The following RAB11FIP5 variants were observed in gnomAD, a reference collection of about 807,000 sequenced individuals.
RAB11FIP5 encodes RAB11 family interacting protein 5.
RAB11FIP5 carries 48 observed loss-of-function variants against 85.1 expected under a neutral mutation model. The observed-to-expected ratio is 0.56, with a 90% confidence interval of 0.45 to 0.72. RAB11FIP5 has a LOEUF of 0.72. Among genes scored for constraint, RAB11FIP5 ranks in the 30% least tolerant of loss-of-function variants. The probability of loss-of-function intolerance (pLI) is 0.00; values close to 1 mark genes in which losing one functional copy is unlikely to be tolerated. For synonymous variants in RAB11FIP5, 729 were observed against 727.3 expected (o/e 1.00, Z -0.04); for missense variants, 1,491 against 1,687.0 (o/e 0.88, Z 2.04).
intron 1 of RAB11FIP5, among the ~76,000 whole-genome samples, chr2:73,095,423 A>G (rs1684298481): frequency 1.3e-5 from 2 of 152,288 alleles, no homozygotes. Flanking sequence ...CTGATACCCA[A>G]AGTGTAGGTG....
At chr2:73,099,184 G>A (rs1348526773) in intron 1 of RAB11FIP5, among the ~76,000 whole-genome samples, 1 of 151,636 alleles carries the variant, frequency 6.6e-6, no homozygotes, top group African/African-American at 2.4e-5. Context: ...CAAGTAGCTG[G>A]GCTTACAGGC....
chr2:73,094,540 G>A (rs1558521334), intron 1 of RAB11FIP5, among the ~76,000 whole-genome samples: 1 of 152,162 alleles, frequency 6.6e-6, no homozygotes, highest in Non-Finnish European at 1.5e-5. Context: ...GAACTAGAAG[G>A]TCCCGGCCTG....
intron 1 of RAB11FIP5, among the ~76,000 whole-genome samples, chr2:73,100,896 C>G (rs1261279536): frequency 6.6e-6 from 1 of 152,120 alleles, no homozygotes; most frequent in Non-Finnish European, 1.5e-5. Flanking sequence ...CCTACGCCAG[C>G]CTGCAATTCC....
At chr2:73,087,804 G>A (rs1684117226) in intron 3 of RAB11FIP5, among the ~76,000 whole-genome samples, 1 of 152,192 alleles carries the variant, frequency 6.6e-6, no homozygotes, top group Non-Finnish European at 1.5e-5. Context: ...GCAAGGCCTA[G>A]GGCTGAGAAG....
chr2:73,088,714 G>T lies in RAB11FIP5; in HGVS notation c.904C>A (p.His302Asn). The T allele has an allele frequency of 6.2e-7, 1 of 1,610,282 alleles. No individual in the cohort carries two copies. The highest frequency in any genetic ancestry group is 8.5e-7 in the Non-Finnish European group (1 of 1,178,716). Residue 302 changes from histidine (H) to asparagine (N), a missense_variant, in exon 3 of 6, where the codon CAT becomes AAT. His to Asn is a moderately conservative substitution (Grantham distance 68, BLOSUM62 1). Coordinates refer to ENST00000486777, the MANE Select transcript of RAB11FIP5 (RefSeq NM_001371272.1). ...GCCTCATCGCTGTAGGTCCTCTTAT[G>T]GGTGAACAGCTTGGGGGACTGTGCA... is the stretch of plus-strand genomic sequence containing the variant. ...DSAQSPKLFT[H>N]KRTYSDEANQ...
At position 73,089,548 on chromosome 2, in the gene RAB11FIP5, T is replaced by A. The variant is rs1394147517; in HGVS notation, c.432-233A>T. 2 of 606,216 alleles carry A rather than the reference T, an allele frequency of 3.3e-6. No homozygotes were observed. The highest frequency in any genetic ancestry group is 5.1e-5 in the Admixed American group (2 of 39,080). The allele number at this position is 606,216 out of a possible 1,614,324, so 37.6% of individuals were successfully genotyped here. A position where few individuals can be genotyped will look rare whatever the true frequency, so the allele number is the denominator to read the frequency against. ...ACCACATCCTGAGTGGGGAAGCTCC[T>A]CGGGTGCCACCAGGTAGGGCGGCGG... On this transcript the variant is annotated intron_variant, in intron 1 of 5. Transcript: ENST00000486777. This position sits in a 1 kb window ranked among gnomAD's most constrained non-coding sequence, Gnocchi z 4.6.
intron 1 of RAB11FIP5, among the ~76,000 whole-genome samples, chr2:73,110,650 T>G (rs1684637202): frequency 6.6e-6 from 1 of 152,124 alleles, no homozygotes; most frequent in Non-Finnish European, 1.5e-5. Context: ...TGGCTGAAAA[T>G]GGGTCCACCT....
chr2:73,077,803 A>G (rs755936583), intron 4 of RAB11FIP5, among the ~76,000 whole-genome samples: 1 of 152,208 alleles, frequency 6.6e-6, no homozygotes, highest in Non-Finnish European at 1.5e-5. Flanking sequence ...AAACTATAAC[A>G]TAAACTGCAT....
chr2:73,088,148 G>A lies in RAB11FIP5; in HGVS notation c.1470C>T (p.Ile490=), dbSNP rs749724196. 1 of 1,613,968 alleles carries A rather than the reference G, an allele frequency of 6.2e-7. No homozygotes were observed. The highest frequency in any genetic ancestry group is 2.2e-5 in the East Asian group (1 of 44,876). The part of the protein sequence containing the change: ...RSSLGEKGGP[I]LGASPHHSSS... ...ATGAGTGATGTGGGGAGGCCCCCAG[G>A]ATGGGACCCCCCTTTTCCCCCAGAG... Residue 490 remains isoleucine, a synonymous_variant, in exon 3 of 6, where the codon ATC becomes ATT. Transcript: ENST00000486777.
chr2:73,100,583 A>G (rs1179598728), intron 1 of RAB11FIP5, among the ~76,000 whole-genome samples: 1 of 151,796 alleles, frequency 6.6e-6, no homozygotes, highest in African/African-American at 2.4e-5. Flanking sequence ...GTGCTACCAC[A>G]CCCAGCTAAT....
intron 1 of RAB11FIP5, among the ~76,000 whole-genome samples, chr2:73,091,462 C>T (rs1412802679): frequency 6.6e-6 from 1 of 151,144 alleles, no homozygotes; most frequent in Non-Finnish European, 1.5e-5. Flanking sequence ...CACATACACA[C>T]ACACACACAC....
At position 73,075,385 on chromosome 2, in the gene RAB11FIP5, T is replaced by TGAGGCAGGAGGGAGAG; in HGVS notation, c.*120_*135dup. On this transcript the variant is annotated 3_prime_UTR_variant, in exon 6 of 6. Transcript: ENST00000486777. The surrounding 1 kb of genome is among the most constrained non-coding windows in gnomAD (Gnocchi z 4.6). ...AGGGCCCCCTTCCAGCAGCCCCAGTTGAGGCAGGAGGGAGAGGAGCAAGGA... is the reference window on the plus strand; with the variant it reads ...AGGGCCCCCTTCCAGCAGCCCCAGTTGAGGCAGGAGGGAGAGGAGGCAGGAGGGAGAGGAGCAAGGA... 3 of 922,166 alleles carry TGAGGCAGGAGGGAGAG rather than the reference T, an allele frequency of 3.3e-6. No individual in the cohort carries two copies. Among genetic ancestry groups the TGAGGCAGGAGGGAGAG allele is most frequent in the Non-Finnish European group, 5.3e-6 (3 of 564,624 alleles). The allele number at this position is 922,166 out of a possible 1,614,324, so 57.1% of individuals were successfully genotyped here. A position where few individuals can be genotyped will look rare whatever the true frequency, so the allele number is the denominator to read the frequency against.
chr2:73,112,342 C>A lies in RAB11FIP5; in HGVS notation c.431+5G>T. The A allele has an allele frequency of 6.3e-7, 1 of 1,577,278 alleles. No individual in the cohort carries two copies. The highest frequency in any genetic ancestry group is 8.6e-7 in the Non-Finnish European group (1 of 1,168,658). On this transcript the variant is annotated splice_donor_5th_base_variant and intron_variant, in intron 1 of 5. Coordinates refer to ENST00000486777, the MANE Select transcript of RAB11FIP5 (RefSeq NM_001371272.1). Reference sequence around the variant, plus strand: ...CGTTTCTGTGCCCCCGCGCCCCCTACTCACTGCGTGTGCTGGGCGCGGCCT... The same window carrying A: ...CGTTTCTGTGCCCCCGCGCCCCCTAATCACTGCGTGTGCTGGGCGCGGCCT...
At chr2:73,092,086 A>G (rs1684226595) in intron 1 of RAB11FIP5, among the ~76,000 whole-genome samples, 1 of 152,198 alleles carries the variant, frequency 6.6e-6, no homozygotes, top group East Asian at 1.9e-4. Context: ...TCACACCTCT[A>G]CGTTCTCAGC....
intron 1 of RAB11FIP5, among the ~76,000 whole-genome samples, chr2:73,099,895 C>T (rs556337674): frequency 6.6e-6 from 1 of 152,322 alleles, no homozygotes; most frequent in Admixed American, 6.5e-5. Flanking sequence ...AGCTGGTGAA[C>T]AGCTACTACC....
chr2:73,088,279 C>T lies in RAB11FIP5; in HGVS notation c.1339G>A (p.Val447Met). The change falls in exon 3 of 6, where the codon GTG becomes ATG. Residue 447 changes from valine to methionine, a missense_variant. Val to Met is a conservative substitution (Grantham distance 21). Transcript: ENST00000486777. ...TTCCGGGCTCCCTCCTTCTCTGCCA[C>T]AGCCTCAGAGGAGGCCACTATGGGT... ...ATPIVASSEA[V>M]AEKEGARKEE... is the part of the protein sequence containing the mutation. 6.2e-7 allele frequency: 1 copy of T among 1,613,916 alleles called. No homozygotes were observed. The highest frequency in any genetic ancestry group is 8.5e-7 in the Non-Finnish European group (1 of 1,180,000).
chr2:73,088,552 T>C lies in RAB11FIP5; in HGVS notation c.1066A>G (p.Ser356Gly), dbSNP rs1684139990. 1 of 1,613,776 alleles carries C rather than the reference T, an allele frequency of 6.2e-7. No homozygotes were observed. The highest frequency in any genetic ancestry group is 1.3e-5 in the African/African-American group (1 of 74,954). ...GATGGAAGCGAGCCCGAGATGGAGC[T>C]GCGGTGCCGCACAGGGCCCTGGGGC... Reference protein sequence around the residue: ...EEPQGPVRHRSSISGSLPSSG... With the variant: ...EEPQGPVRHRGSISGSLPSSG... Residue 356 changes from serine (S) to glycine (G), a missense_variant, in exon 3 of 6, where the codon AGC (serine) becomes GGC (glycine). Coordinates refer to ENST00000486777, the MANE Select transcript of RAB11FIP5 (RefSeq NM_001371272.1).
At chr2:73,099,104 C>A (rs1684381878) in intron 1 of RAB11FIP5, among the ~76,000 whole-genome samples, 1 of 140,340 alleles carries the variant, frequency 7.1e-6, no homozygotes, top group Non-Finnish European at 1.5e-5. Flanking sequence ...GGCTGGAGTG[C>A]AATGGCACAG....
chr2:73,088,723 G>A lies in RAB11FIP5; in HGVS notation c.895C>T (p.Leu299=). 3 of 1,607,636 alleles carry A rather than the reference G, an allele frequency of 1.9e-6. No homozygotes were observed. Among genetic ancestry groups the A allele is most frequent in the Non-Finnish European group, 2.5e-6 (3 of 1,177,368 alleles). Residue 299 remains leucine, a synonymous_variant, in exon 3 of 6, where the codon CTG becomes TTG. Coordinates refer to ENST00000486777, the MANE Select transcript of RAB11FIP5 (RefSeq NM_001371272.1). ...GGRDSAQSPK[L]FTHKRTYSDE... The stretch of plus-strand genomic sequence containing the variant: ...CTGTAGGTCCTCTTATGGGTGAACA[G>A]CTTGGGGGACTGTGCAGAGTCCCTG...
Sources: gnomAD v4.1 joint callset for allele counts (sites outside exome capture counted in the v4.1 genomes callset) on GRCh38, gnomAD v4.1.1 for gene constraint, Gnocchi (gnomAD v3.1) non-coding constraint, MANE v1.5 for transcripts, NCBI Gene and HGNC (gene_info 2026-07-23, HGNC 2026-07-21) for gene names.